FAM83B: variants seen among roughly 807,000 people sequenced by gnomAD.
FAM83B encodes protein FAM83B.
A neutral mutation model predicts 38.8 loss-of-function variants in FAM83B; 26 were observed. That is an observed-to-expected ratio of 0.67 (90% CI 0.49 to 0.93). The LOEUF (loss-of-function observed/expected upper bound fraction) is 0.93. FAM83B is among the 40% of genes least tolerant of loss of function. The probability of loss-of-function intolerance (pLI) is 0.00; values close to 1 mark genes in which losing one functional copy is unlikely to be tolerated. For missense variants in FAM83B, 1,237 were observed against 1,197.3 expected, an observed-to-expected ratio of 1.03 and a Z score of -0.49; for synonymous variants, 419 against 423.1, an observed-to-expected ratio of 0.99 and a Z score of 0.12.
At chr6:54,869,268 T>C (rs1262851380) in intron 1 of FAM83B, among the ~76,000 whole-genome samples, 2 of 152,188 alleles carry the variant, frequency 1.3e-5, no homozygotes, top group Non-Finnish European at 2.9e-5. Flanking sequence ...GAATACTCTG[T>C]CCACTTCCTC....
intron 2 of FAM83B, among the ~76,000 whole-genome samples, chr6:54,920,056 T>A (rs1773136358): frequency 6.6e-6 from 1 of 151,978 alleles, no homozygotes; most frequent in Non-Finnish European, 1.5e-5. Context: ...TGTAAGTTAC[T>A]AAGCAATACT....
At chr6:54,896,179 C>G (rs1034099674) in intron 2 of FAM83B, among the ~76,000 whole-genome samples, 4 of 151,622 alleles carry the variant, frequency 2.6e-5, no homozygotes, top group African/African-American at 9.7e-5. Flanking sequence ...TGTGAGCCAC[C>G]GTGCCTGGCA....
intron 1 of FAM83B, among the ~76,000 whole-genome samples, chr6:54,865,586 G>A (rs145380053): frequency 1.3e-5 from 2 of 152,264 alleles, no homozygotes; most frequent in Non-Finnish European, 2.9e-5. Context: ...ACTGGAAAAT[G>A]GACTGCAGTG....
chr6:54,880,937 A>G (rs984187312), intron 2 of FAM83B, among the ~76,000 whole-genome samples: 1 of 152,204 alleles, frequency 6.6e-6, no homozygotes, highest in African/African-American at 2.4e-5. Flanking sequence ...GTGTTTTGAT[A>G]TCTTATATAA....
chr6:54,863,489 A>G (rs971717930), intron 1 of FAM83B, among the ~76,000 whole-genome samples: 1 of 151,576 alleles, frequency 6.6e-6, no homozygotes. Flanking sequence ...TTTTACAACC[A>G]ATAAGTTTCA....
At chr6:54,915,515 T>A (rs971837215) in intron 2 of FAM83B, among the ~76,000 whole-genome samples, 1 of 141,302 alleles carries the variant, frequency 7.1e-6, no homozygotes, top group Non-Finnish European at 1.5e-5. Context: ...TGGTAGAAAC[T>A]CACATTTCTG....
chr6:54,933,755 C>G (rs1220144470), intron 4 of FAM83B, among the ~76,000 whole-genome samples: 1 of 152,074 alleles, frequency 6.6e-6, no homozygotes, highest in African/African-American at 2.4e-5. Flanking sequence ...TGCTGCTTAC[C>G]TCTATTTTCA....
intron 2 of FAM83B, among the ~76,000 whole-genome samples, chr6:54,917,174 G>A (rs1263984151): frequency 6.6e-6 from 1 of 152,100 alleles, no homozygotes; most frequent in Non-Finnish European, 1.5e-5. Flanking sequence ...TTTGAGAACA[G>A]GTGCCATGTA....
At position 54,854,971 on chromosome 6, in the gene FAM83B, G is replaced by C. The variant is rs997461977; in HGVS notation, c.-61+8145G>C. Among the ~76,000 whole-genome samples the C allele has an allele frequency of 2.0e-5, 3 of 152,220 alleles. No homozygotes were observed. The South Asian group carries it at 6.2e-4, about 32-fold the overall frequency. ...CAATGGTCATCTGATCAAGACCAAA[G>C]GGCCGCTTCTCTTGGCATGTACAGT... On this transcript the variant is annotated intron_variant, in intron 1 of 4. Coordinates refer to ENST00000306858, the MANE Select transcript of FAM83B (RefSeq NM_001010872.3).
intron 4 of FAM83B, among the ~76,000 whole-genome samples, chr6:54,928,435 C>G (rs1773354188): frequency 2.0e-5 from 3 of 152,128 alleles, no homozygotes; most frequent in African/African-American, 4.8e-5. Flanking sequence ...TAAAATAAAT[C>G]ATAGAACTGG....
intron 2 of FAM83B, among the ~76,000 whole-genome samples, chr6:54,879,945 A>G (rs1772088941): frequency 6.6e-6 from 1 of 152,240 alleles, no homozygotes; most frequent in Admixed American, 6.5e-5. Context: ...AATAGAATGT[A>G]AATGTAACTA....
intron 2 of FAM83B, among the ~76,000 whole-genome samples, chr6:54,915,322 G>T (rs954913844): frequency 6.6e-6 from 1 of 151,972 alleles, no homozygotes; most frequent in East Asian, 1.9e-4. Flanking sequence ...TGTAATTTAG[G>T]TCTCTACACC....
chr6:54,859,465 C>G (rs1581882071), intron 1 of FAM83B, among the ~76,000 whole-genome samples: 1 of 152,172 alleles, frequency 6.6e-6, no homozygotes, highest in African/African-American at 2.4e-5. Flanking sequence ...ATATCATTAG[C>G]TTATTTAACA....
At chr6:54,866,606 T>C (rs1205211984) in intron 1 of FAM83B, among the ~76,000 whole-genome samples, 1 of 152,132 alleles carries the variant, frequency 6.6e-6, no homozygotes, top group Non-Finnish European at 1.5e-5. Context: ...GTTGCATGTA[T>C]TAGTAGGCCA....
chr6:54,910,336 C>T (rs562612141), intron 2 of FAM83B, among the ~76,000 whole-genome samples: 1 of 152,216 alleles, frequency 6.6e-6, no homozygotes, highest in Non-Finnish European at 1.5e-5. Context: ...TATTTGCCAC[C>T]TAGTTTCTAA....
chr6:54,864,752 C>T (rs1049644231), intron 1 of FAM83B, among the ~76,000 whole-genome samples: 5 of 152,132 alleles, frequency 3.3e-5, no homozygotes, highest in African/African-American at 1.2e-4. Context: ...ATATGATTTT[C>T]AACTGTTGTG....
chr6:54,864,896 A>T lies in FAM83B; in HGVS notation c.-60-5291A>T, dbSNP rs182464256. Among the ~76,000 whole-genome samples, 8 of 152,320 alleles carry T rather than the reference A, an allele frequency of 5.3e-5. No individual in the cohort carries two copies. The East Asian group carries it at 1.5e-3, about 29-fold the overall frequency. ...TACCAAAAGAAATAACAAATTCAAG[A>T]ATTTTTTCCCTCAATATATGAGAGT... On this transcript the variant is annotated intron_variant, in intron 1 of 4. Transcript: ENST00000306858.
intron 3 of FAM83B, among the ~76,000 whole-genome samples, chr6:54,926,872 C>T (rs1419801123): frequency 6.6e-6 from 1 of 152,108 alleles, no homozygotes; most frequent in Non-Finnish European, 1.5e-5. Flanking sequence ...GCTGGGATTA[C>T]AGGTGCCCGC....
At chr6:54,858,085 T>C (rs989526950) in intron 1 of FAM83B, among the ~76,000 whole-genome samples, 5 of 152,124 alleles carry the variant, frequency 3.3e-5, no homozygotes, top group Admixed American at 6.5e-5. Context: ...CATTCATGGA[T>C]GTAAGACTGG....
Sources: gnomAD v4.1 joint callset for allele counts (sites outside exome capture counted in the v4.1 genomes callset) on GRCh38, gnomAD v4.1.1 for gene constraint, MANE v1.5 for transcripts, NCBI Gene and HGNC (gene_info 2026-07-23, HGNC 2026-07-21) for gene names.